The following DPYD variants were observed in gnomAD, a reference collection of about 807,000 sequenced individuals.
DPYD encodes the protein dihydropyrimidine dehydrogenase [NADP(+)].
In DPYD, 109 loss-of-function variants were observed where a neutral mutation model predicts 116.2. That is an observed-to-expected ratio of 0.94 (90% CI 0.80 to 1.10). DPYD has a LOEUF of 1.10. DPYD is among the 50% of genes least tolerant of loss of function. The pLI, the probability that DPYD is intolerant of heterozygous loss-of-function variation, is 0.00. For synonymous variants in DPYD, 440 were observed against 432.0 expected (o/e 1.02, Z -0.23); for missense variants, 1,302 against 1,254.5 (o/e 1.04, Z -0.57).
chr1:97,672,383 TTAAG>T (rs1659917588), intron 8 of DPYD, among the ~76,000 whole-genome samples: 1 of 152,154 alleles, frequency 6.6e-6, no homozygotes, highest in Non-Finnish European at 1.5e-5. Flanking sequence ...CATGAACTCA[TTAAG>T]TAATGATTTA....
At chr1:97,661,544 T>C (rs1266424951) in intron 8 of DPYD, among the ~76,000 whole-genome samples, 1 of 152,108 alleles carries the variant, frequency 6.6e-6, no homozygotes, top group Non-Finnish European at 1.5e-5. Flanking sequence ...AATTTTTAAA[T>C]GTGTTAAGAC....
intron 8 of DPYD, among the ~76,000 whole-genome samples, chr1:97,675,419 A>G (rs1363470110): frequency 6.6e-6 from 1 of 152,194 alleles, no homozygotes; most frequent in Non-Finnish European, 1.5e-5. Flanking sequence ...ACTTAGAAGA[A>G]GCTAAACTTC....
At chr1:97,902,694 TAA>T (rs961979924) in intron 1 of DPYD, among the ~76,000 whole-genome samples, 1 of 151,840 alleles carries the variant, frequency 6.6e-6, no homozygotes, top group African/African-American at 2.4e-5. Flanking sequence ...TGCTATATAA[TAA>T]GAGGTAATTT....
intron 2 of DPYD, among the ~76,000 whole-genome samples, chr1:97,873,209 A>C (rs1255104421): frequency 2.6e-5 from 4 of 151,978 alleles, no homozygotes; most frequent in Admixed American, 2.6e-4. Context: ...AACATGTTAG[A>C]TCTTCCATTA....
At position 97,695,724 on chromosome 1, in the gene DPYD, G is replaced by C. The variant is rs537289109; in HGVS notation, c.680+3627C>G. 1.7e-3 allele frequency among the ~76,000 whole-genome samples: 253 copies of C among 152,106 alleles called. 5 individuals are homozygous for C. Among genetic ancestry groups the C allele is most frequent in the Middle Eastern group, 0.014 (4 of 294 alleles). On this transcript the variant is annotated intron_variant, in intron 6 of 22. Transcript: ENST00000370192. ...CTGAGGTTAGGAGGAGTTGTTGAAAGATTTCAAGTGGAAGAGTGATAGAAT... is the reference window on the plus strand; with the variant it reads ...CTGAGGTTAGGAGGAGTTGTTGAAACATTTCAAGTGGAAGAGTGATAGAAT...
chr1:97,256,967 C>T (rs969090495), intron 18 of DPYD, among the ~76,000 whole-genome samples: 6 of 152,098 alleles, frequency 3.9e-5, no homozygotes, highest in African/African-American at 1.4e-4. Flanking sequence ...TCCCACTTCA[C>T]ACTACGCAAT....
chr1:97,528,410 T>G (rs1394100860), intron 12 of DPYD, among the ~76,000 whole-genome samples: 2 of 152,152 alleles, frequency 1.3e-5, no homozygotes, highest in Admixed American at 6.5e-5. Flanking sequence ...GAGCATAAAA[T>G]AAGACTAGAA....
intron 8 of DPYD, among the ~76,000 whole-genome samples, chr1:97,676,414 T>C (rs1660147635): frequency 6.6e-6 from 1 of 152,138 alleles, no homozygotes; most frequent in Non-Finnish European, 1.5e-5. Flanking sequence ...CCACTTCTAT[T>C]AGCATGAATG....
chr1:97,402,169 G>A (rs72728482), intron 14 of DPYD, among the ~76,000 whole-genome samples: 1 of 151,896 alleles, frequency 6.6e-6, no homozygotes, highest in Non-Finnish European at 1.5e-5. Context: ...CAACTTGCGG[G>A]GATTTCTACT....
At chr1:97,098,294 T>C (rs1457598613) in intron 21 of DPYD, among the ~76,000 whole-genome samples, 195 bp downstream of exon 21, 1 of 152,136 alleles carries the variant, frequency 6.6e-6, no homozygotes, top group Non-Finnish European at 1.5e-5. Flanking sequence ...TTCTAAAAAG[T>C]ATAAAATATG....
At chr1:97,773,922 C>T (rs1293610682) in intron 3 of DPYD, among the ~76,000 whole-genome samples, 1 of 152,182 alleles carries the variant, frequency 6.6e-6, no homozygotes. Flanking sequence ...CAGAAAGAAG[C>T]CCCTCTGTCC....
intron 3 of DPYD, among the ~76,000 whole-genome samples, chr1:97,824,172 TTA>T (rs1183209879): frequency 6.6e-6 from 1 of 152,168 alleles, no homozygotes; most frequent in East Asian, 1.9e-4. Flanking sequence ...TAGGTATAAA[TTA>T]TGTCTTTATA....
At chr1:97,095,868 T>A (rs1387331789) in intron 21 of DPYD, 1 of 152,100 alleles carries the variant, frequency 6.6e-6, no homozygotes, top group African/African-American at 2.4e-5. Context: ...TGACAACAGG[T>A]GGAATGAGTA....
chr1:97,407,146 T>G (rs994542121), intron 14 of DPYD, among the ~76,000 whole-genome samples: 1 of 152,134 alleles, frequency 6.6e-6, no homozygotes, highest in Non-Finnish European at 1.5e-5. Context: ...AATGTAGTAT[T>G]AAAATGTAAC....
chr1:97,895,392 G>C (rs1326896465), intron 1 of DPYD, among the ~76,000 whole-genome samples: 1 of 151,708 alleles, frequency 6.6e-6, no homozygotes. Flanking sequence ...GATGAAAGCA[G>C]GACCTGGGCT....
intron 3 of DPYD, among the ~76,000 whole-genome samples, chr1:97,753,416 A>C (rs931225928): frequency 6.6e-6 from 1 of 152,150 alleles, no homozygotes; most frequent in African/African-American, 2.4e-5. Flanking sequence ...AGTTTGTGAA[A>C]GGCAGATTCA....
chr1:97,509,278 A>AGG (rs1647602343), intron 13 of DPYD, among the ~76,000 whole-genome samples: 1 of 152,006 alleles, frequency 6.6e-6, no homozygotes, highest in African/African-American at 2.4e-5. Flanking sequence ...CAAAATATAA[A>AGG]ACATGTGGCC....
intron 19 of DPYD, among the ~76,000 whole-genome samples, chr1:97,200,512 G>T (rs891655216): frequency 2.0e-5 from 3 of 152,032 alleles, no homozygotes; most frequent in Non-Finnish European, 4.4e-5. Flanking sequence ...GAATAAGAAG[G>T]GTTGTTCATC....
rs267598787 is a variant in DPYD, at chr1:97,382,414, C to T, written c.1953G>A (p.Thr651=). The change falls in exon 15 of 23, where the codon ACG becomes ACA. Residue 651 remains threonine (T), a synonymous_variant. Coordinates refer to ENST00000370192, the MANE Select transcript of DPYD (RefSeq NM_000110.4). ...IMCSYNKNDW[T]ELAKKSEDSG... The stretch of plus-strand genomic sequence containing the variant: ...TTACCTCAGACTTCTTGGCAAGTTC[C>T]GTCCAGTCATTTTTATTGTAACTGC... 8.8e-6 allele frequency: 14 copies of T among 1,597,536 alleles called. No homozygotes were observed. In the East Asian group the frequency reaches 9.0e-5, roughly 10 times the overall value.
Sources: gnomAD v4.1 joint callset for allele counts (sites outside exome capture counted in the v4.1 genomes callset) on GRCh38, gnomAD v4.1.1 for gene constraint, MANE v1.5 for transcripts, NCBI Gene and HGNC (gene_info 2026-07-23, HGNC 2026-07-21) for gene names.